The following KCNJ6 variants were observed in gnomAD, a reference collection of about 807,000 sequenced individuals.
The protein encoded by KCNJ6 is G protein-activated inward rectifier potassium channel 2.
In KCNJ6, 9 loss-of-function variants were observed where a neutral mutation model predicts 34.2. That is an observed-to-expected ratio of 0.26 (90% CI 0.16 to 0.46). KCNJ6 has a LOEUF of 0.46. Among genes scored for constraint, KCNJ6 ranks in the 20% least tolerant of loss-of-function variants. KCNJ6 has a pLI of 1.00. For missense variants in KCNJ6, 236 were observed against 531.3 expected (o/e 0.44, Z 5.46); for synonymous variants, 196 against 207.1 (o/e 0.95, Z 0.46).
chr21:37,819,062 G>A (rs562992134), intron 2 of KCNJ6, among the ~76,000 whole-genome samples: 16 of 152,238 alleles, frequency 1.1e-4, no homozygotes, highest in South Asian at 1.0e-3. Flanking sequence ...TCTGGATATC[G>A]TAATAGTTTT....
chr21:37,804,615 C>T (rs1053471295), intron 2 of KCNJ6, among the ~76,000 whole-genome samples: 1 of 152,088 alleles, frequency 6.6e-6, no homozygotes, highest in Middle Eastern at 3.2e-3. Context: ...AGGTTGTTCC[C>T]CTCTGTGTGT....
At chr21:37,680,673 G>T (rs1391974166) in intron 3 of KCNJ6, among the ~76,000 whole-genome samples, 2 of 152,186 alleles carry the variant, frequency 1.3e-5, no homozygotes, top group African/African-American at 4.8e-5. Flanking sequence ...TGGGACACTG[G>T]TCTTCTCTTC....
chr21:37,906,960 C>T (rs577848003), intron 1 of KCNJ6, among the ~76,000 whole-genome samples: 22 of 152,312 alleles, frequency 1.4e-4, no homozygotes, highest in African/African-American at 5.3e-4. Context: ...AGGAAGGAAT[C>T]TACCCCATTC....
intron 1 of KCNJ6, among the ~76,000 whole-genome samples, chr21:37,914,153 T>A (rs973271164): frequency 6.6e-6 from 1 of 152,054 alleles, no homozygotes; most frequent in African/African-American, 2.4e-5. Flanking sequence ...TGATTCTGAA[T>A]AGGTCCTCTG....
At chr21:37,728,007 G>T (rs1487646829) in intron 2 of KCNJ6, among the ~76,000 whole-genome samples, 1 of 152,204 alleles carries the variant, frequency 6.6e-6, no homozygotes, top group Non-Finnish European at 1.5e-5. Context: ...GTATATCCAT[G>T]TTCATAGCAG....
intron 1 of KCNJ6, among the ~76,000 whole-genome samples, chr21:37,915,562 C>G (rs1275924154): frequency 6.6e-6 from 1 of 152,224 alleles, no homozygotes; most frequent in Non-Finnish European, 1.5e-5. Context: ...GCATTTAAGT[C>G]TTTGCCAGCG....
At chr21:37,839,374 T>TAA (rs1246531796) in intron 2 of KCNJ6, among the ~76,000 whole-genome samples, 1 of 152,222 alleles carries the variant, frequency 6.6e-6, no homozygotes, top group African/African-American at 2.4e-5. Context: ...AAGACTTATG[T>TAA]AAAATTACAC....
chr21:37,749,892 C>T (rs944149731), intron 2 of KCNJ6, among the ~76,000 whole-genome samples: 2 of 152,192 alleles, frequency 1.3e-5, no homozygotes, highest in Non-Finnish European at 2.9e-5. Context: ...CATACCTATG[C>T]AGCCTGCCTT....
chr21:37,782,780 C>A (rs2055175700), intron 2 of KCNJ6, among the ~76,000 whole-genome samples: 1 of 152,060 alleles, frequency 6.6e-6, no homozygotes, highest in African/African-American at 2.4e-5. Flanking sequence ...AAGTGTGGAG[C>A]TGGATATTTA....
At chr21:37,648,010 C>T (rs2054413606) in intron 3 of KCNJ6, among the ~76,000 whole-genome samples, 1 of 152,210 alleles carries the variant, frequency 6.6e-6, no homozygotes, top group South Asian at 2.1e-4. Context: ...GAAGTCATGC[C>T]TGTGATCCGT....
chr21:37,630,023 G>A (rs938103848), intron 3 of KCNJ6, among the ~76,000 whole-genome samples: 9 of 151,954 alleles, frequency 5.9e-5, no homozygotes, highest in African/African-American at 1.9e-4. Context: ...ATTGACTTAG[G>A]TCCCAGTCCA....
rs937375168 is a variant in KCNJ6, at chr21:37,618,074, G to A, written c.*7085C>T. 6.6e-6 allele frequency: 1 copy of A among 152,278 alleles called. No homozygotes were observed. The highest frequency in any genetic ancestry group is 2.4e-5 in the African/African-American group (1 of 41,446). 9.4% of individuals were successfully genotyped at this position (152,278 alleles called of 1,614,324 possible). A position where few individuals can be genotyped will look rare whatever the true frequency, so the allele number is the denominator to read the frequency against. ...TTTGTTCTGCCCAAGTCTGAGCTAC[G>A]GGAGGGTATTTCTCATACCCATGCC... On this transcript the variant is annotated 3_prime_UTR_variant, in exon 4 of 4. Coordinates refer to ENST00000609713, the MANE Select transcript of KCNJ6 (RefSeq NM_002240.5).
intron 3 of KCNJ6, among the ~76,000 whole-genome samples, chr21:37,664,012 C>T (rs1467274901): frequency 6.6e-6 from 1 of 152,144 alleles, no homozygotes; most frequent in African/African-American, 2.4e-5. Flanking sequence ...TCATTCAGTT[C>T]ACATTATCCA....
chr21:37,771,473 T>G (rs1254732737), intron 2 of KCNJ6, among the ~76,000 whole-genome samples: 1 of 152,180 alleles, frequency 6.6e-6, no homozygotes, highest in Non-Finnish European at 1.5e-5. Context: ...TACACAAACC[T>G]ATTCTCTGCA....
chr21:37,785,172 T>A (rs2055187027), intron 2 of KCNJ6, among the ~76,000 whole-genome samples: 1 of 152,194 alleles, frequency 6.6e-6, no homozygotes, highest in African/African-American at 2.4e-5. Flanking sequence ...GAGACATTTG[T>A]GGAGGCTGAG....
rs922998593 is a variant in KCNJ6 at position 37,768,513 on chromosome 21, A to G, written c.26-53382T>C. ...CCAAAATACAACTGTTGAATTTACA[A>G]GATGGAGGATGACACTGGATGTTCA... On this transcript the variant is annotated intron_variant, in intron 2 of 3. Transcript: ENST00000609713. Among the ~76,000 whole-genome samples the G allele has an allele frequency of 2.0e-5, 3 of 152,232 alleles. No individual in the cohort carries two copies. In the South Asian group the frequency reaches 6.2e-4, roughly 32 times the overall value.
chr21:37,660,114 C>T (rs912132490), intron 3 of KCNJ6, among the ~76,000 whole-genome samples: 1 of 152,238 alleles, frequency 6.6e-6, no homozygotes, highest in Non-Finnish European at 1.5e-5. Context: ...TTCCTGGGGA[C>T]TTGGCACAGC....
chr21:37,643,566 C>T (rs2054390789), intron 3 of KCNJ6, among the ~76,000 whole-genome samples: 1 of 152,116 alleles, frequency 6.6e-6, no homozygotes, highest in Admixed American at 6.5e-5. Flanking sequence ...GCACGGGAGT[C>T]GGACCAATGT....
chr21:37,836,234 G>A (rs2055451022), intron 2 of KCNJ6, among the ~76,000 whole-genome samples: 1 of 152,178 alleles, frequency 6.6e-6, no homozygotes. Context: ...AAAAAGTCAG[G>A]AAACAACAGA....
Sources: allele counts gnomAD v4.1 joint callset (sites outside exome capture counted in the v4.1 genomes callset), GRCh38; gene constraint gnomAD v4.1.1; transcripts MANE v1.5; gene names NCBI Gene and HGNC (gene_info 2026-07-23, HGNC 2026-07-21).